The following ELAPOR2 variants were observed in gnomAD, a reference collection of about 807,000 sequenced individuals.
ELAPOR2 encodes endosome-lysosome associated apoptosis and autophagy regulator family member 2.
A neutral mutation model predicts 120.7 loss-of-function variants in ELAPOR2; 89 were observed. That is an observed-to-expected ratio of 0.74 (90% CI 0.62 to 0.88). ELAPOR2 has a LOEUF of 0.88. Among genes scored for constraint, ELAPOR2 ranks in the 40% least tolerant of loss-of-function variants. ELAPOR2 has a pLI of 0.00. For missense variants in ELAPOR2, 1,134 were observed against 1,251.6 expected (o/e 0.91, Z 1.42); for synonymous variants, 444 against 444.9 (o/e 1.00, Z 0.03).
intron 4 of ELAPOR2, 77 bp from the exon 5 acceptor site, chr7:86,942,181 T>C (rs1049418325): frequency 6.4e-6 from 5 of 779,932 alleles, no homozygotes; most frequent in Non-Finnish European, 1.1e-5. Flanking sequence ...CAGCACAGAC[T>C]GCAAGAACCT....
intron 18 of ELAPOR2, among the ~76,000 whole-genome samples, chr7:86,902,359 A>G (rs1289216582): frequency 6.6e-6 from 1 of 152,058 alleles, no homozygotes; most frequent in African/African-American, 2.4e-5. Flanking sequence ...TATTTTTAGT[A>G]GAGACAGGGT....
At chr7:86,881,259 T>C (rs1247993986) in intron 21 of ELAPOR2, among the ~76,000 whole-genome samples, 1 of 152,070 alleles carries the variant, frequency 6.6e-6, no homozygotes, top group Non-Finnish European at 1.5e-5. Context: ...TACAGTGGTG[T>C]AATCTCAGCT....
chr7:86,937,209 T>A (rs1204831856), intron 8 of ELAPOR2, among the ~76,000 whole-genome samples: 1 of 152,078 alleles, frequency 6.6e-6, no homozygotes, highest in Non-Finnish European at 1.5e-5. Context: ...GCCACTAATT[T>A]AAACTAGAAT....
At chr7:87,006,385 G>T (rs1793476174) in intron 1 of ELAPOR2, among the ~76,000 whole-genome samples, 1 of 148,592 alleles carries the variant, frequency 6.7e-6, no homozygotes, top group Admixed American at 6.7e-5. Context: ...GGGGTGGGGG[G>T]CTAGGGGAGG....
chr7:87,036,941 A>T (rs1794607949), intron 1 of ELAPOR2, among the ~76,000 whole-genome samples: 1 of 152,152 alleles, frequency 6.6e-6, no homozygotes, highest in Non-Finnish European at 1.5e-5. Flanking sequence ...TGAAAAATTA[A>T]AATAAGAAAA....
chr7:87,034,881 G>T (rs1472900118), intron 1 of ELAPOR2, among the ~76,000 whole-genome samples: 1 of 152,014 alleles, frequency 6.6e-6, no homozygotes, highest in Non-Finnish European at 1.5e-5. Context: ...TCAGGAATTC[G>T]AGACCAACCT....
intron 1 of ELAPOR2, among the ~76,000 whole-genome samples, chr7:87,021,733 T>C (rs1794047171): frequency 6.6e-6 from 1 of 152,196 alleles, no homozygotes; most frequent in South Asian, 2.1e-4. Context: ...CTTTAACACA[T>C]TTATTTTTCA....
rs767653017 is a variant in ELAPOR2 at position 87,052,634 on chromosome 7, G to C, written c.189+6691C>G. On this transcript the variant is annotated intron_variant, in intron 1 of 21. Coordinates refer to ENST00000450689, the MANE Select transcript of ELAPOR2 (RefSeq NM_001142749.3). Reference sequence around the variant, plus strand: ...AATGTTGACACTGCTAGTCCTAGGAGCTCACTTTGTGGACTACTAACCTAG... The same window carrying C: ...AATGTTGACACTGCTAGTCCTAGGACCTCACTTTGTGGACTACTAACCTAG... 2.8e-4 allele frequency among the ~76,000 whole-genome samples: 43 copies of C among 152,272 alleles called. No homozygotes were observed. The Middle Eastern group carries it at 0.01, about 36-fold the overall frequency.
chr7:86,904,109 A>G (rs1788856166), intron 18 of ELAPOR2, among the ~76,000 whole-genome samples: 1 of 152,214 alleles, frequency 6.6e-6, no homozygotes, highest in African/African-American at 2.4e-5. Flanking sequence ...AACCTGGCGC[A>G]TCAGTGTTTC....
chr7:87,001,385 C>T (rs1261220174), intron 1 of ELAPOR2, among the ~76,000 whole-genome samples: 3 of 152,150 alleles, frequency 2.0e-5, no homozygotes, highest in African/African-American at 7.2e-5. Flanking sequence ...GAGAAAATGT[C>T]TAAACGTGCA....
At chr7:87,047,890 T>A (rs1584042914) in intron 1 of ELAPOR2, among the ~76,000 whole-genome samples, 2 of 152,348 alleles carry the variant, frequency 1.3e-5, no homozygotes, top group East Asian at 3.9e-4. Context: ...GTTGCACAAC[T>A]GTTCACAATA....
At chr7:87,033,743 A>T (rs1336215797) in intron 1 of ELAPOR2, among the ~76,000 whole-genome samples, 1 of 152,134 alleles carries the variant, frequency 6.6e-6, no homozygotes, top group Non-Finnish European at 1.5e-5. Flanking sequence ...GTGCCACCAT[A>T]TAAAACTATA....
intron 1 of ELAPOR2, among the ~76,000 whole-genome samples, chr7:86,991,334 A>G (rs750673179): frequency 2.0e-5 from 3 of 152,122 alleles, no homozygotes; most frequent in Non-Finnish European, 2.9e-5. Context: ...ATAGCTGGCC[A>G]GTCAAACATT....
At position 86,999,637 on chromosome 7, in the gene ELAPOR2, A is replaced by G. The variant is rs941994531; in HGVS notation, c.190-34613T>C. Among the ~76,000 whole-genome samples the G allele has an allele frequency of 3.9e-5, 6 of 152,292 alleles. No homozygotes were observed. In the East Asian group the frequency reaches 9.6e-4, roughly 24 times the overall value. On this transcript the variant is annotated intron_variant, in intron 1 of 21. Coordinates refer to ENST00000450689, the MANE Select transcript of ELAPOR2 (RefSeq NM_001142749.3). ...CATACTCAGATTTATCCATAACATA[A>G]AGTGGATAAACCCTCTTTAGGGAAA...
intron 18 of ELAPOR2, among the ~76,000 whole-genome samples, chr7:86,902,467 C>G (rs780344615): frequency 6.6e-6 from 1 of 152,180 alleles, no homozygotes; most frequent in Non-Finnish European, 1.5e-5. Flanking sequence ...TAAGCCACTG[C>G]GCCAGGCCTG....
chr7:87,004,757 G>A (rs1335903664), intron 1 of ELAPOR2, among the ~76,000 whole-genome samples: 2 of 152,086 alleles, frequency 1.3e-5, no homozygotes, highest in Admixed American at 1.3e-4. Flanking sequence ...GAAGGCCATC[G>A]GACATATTAA....
At chr7:86,941,432 T>C (rs1226029796) in intron 5 of ELAPOR2, 2 of 513,412 alleles carry the variant, frequency 3.9e-6, no homozygotes, top group East Asian at 5.6e-5. Flanking sequence ...CCAGAGAAGG[T>C]AGAATTTTAA....
intron 18 of ELAPOR2, among the ~76,000 whole-genome samples, chr7:86,904,160 GGA>G (rs1788858591): frequency 6.6e-6 from 1 of 152,124 alleles, no homozygotes; most frequent in South Asian, 2.1e-4. Flanking sequence ...AGGATCTTGT[GGA>G]TGCTGTGGCA....
intron 8 of ELAPOR2, among the ~76,000 whole-genome samples, chr7:86,936,114 G>C (rs1344317895): frequency 6.6e-6 from 1 of 152,018 alleles, no homozygotes; most frequent in Non-Finnish European, 1.5e-5. Context: ...TAACAGGACA[G>C]AGAGAACCAA....
Sources: gnomAD v4.1 joint callset for allele counts (sites outside exome capture counted in the v4.1 genomes callset) on GRCh38, gnomAD v4.1.1 for gene constraint, MANE v1.5 for transcripts, NCBI Gene and HGNC (gene_info 2026-07-23, HGNC 2026-07-21) for gene names.